The following PCDHA5 variants were observed in gnomAD, a reference collection of about 807,000 sequenced individuals.
PCDHA5 encodes the protein protocadherin alpha 5, also known as protocadherin alpha-5.
PCDHA5 carries 43 observed loss-of-function variants against 61.6 expected under a neutral mutation model. That is an observed-to-expected ratio of 0.70 (90% CI 0.55 to 0.90). The LOEUF (loss-of-function observed/expected upper bound fraction) is 0.90. PCDHA5 is among the 40% of genes least tolerant of loss of function. PCDHA5 has a pLI of 0.00. For missense variants in PCDHA5, 1,298 were observed against 1,222.7 expected (o/e 1.06, Z -0.92); for synonymous variants, 627 against 543.9 (o/e 1.15, Z -2.13).
At chr5:140,941,255 C>CTTTCTT (rs782490896) in intron 1 of PCDHA5, among the ~76,000 whole-genome samples, 957 of 44,428 alleles carry the variant, frequency 0.022, 12 homozygotes, top group African/African-American at 0.028. Flanking sequence ...TTCTTTCTTT[C>CTTTCTT]TCTTTCTTTC....
intron 1 of PCDHA5, chr5:140,928,687 C>A (rs782599747): frequency 6.2e-7 from 1 of 1,614,142 alleles, no homozygotes. Context: ...GCTTTCCTAC[C>A]ACATCTCCCG....
chr5:140,917,417 C>G (rs1163543772), intron 1 of PCDHA5, among the ~76,000 whole-genome samples: 2 of 152,082 alleles, frequency 1.3e-5, no homozygotes, highest in African/African-American at 2.4e-5. Flanking sequence ...TAATTAGGCC[C>G]CATTTGCCAA....
intron 1 of PCDHA5, chr5:140,843,199 G>C (rs2150355178): frequency 6.3e-7 from 1 of 1,596,082 alleles, no homozygotes; most frequent in South Asian, 1.1e-5. Flanking sequence ...GCGTGGGGCT[G>C]TACACGGGCG....
intron 1 of PCDHA5, among the ~76,000 whole-genome samples, chr5:140,959,969 C>T (rs1203367528): frequency 6.6e-6 from 1 of 152,104 alleles, no homozygotes; most frequent in African/African-American, 2.4e-5. Context: ...GTAGATGTTA[C>T]TGAAAGAAGA....
intron 1 of PCDHA5, among the ~76,000 whole-genome samples, chr5:140,911,992 A>T (rs904624481): frequency 6.6e-6 from 1 of 152,342 alleles, no homozygotes; most frequent in East Asian, 1.9e-4. Flanking sequence ...ACAAGGTCCC[A>T]CAATAGGCCA....
At chr5:140,953,062 C>A (rs2094842577) in intron 1 of PCDHA5, among the ~76,000 whole-genome samples, 1 of 152,160 alleles carries the variant, frequency 6.6e-6, no homozygotes, top group East Asian at 1.9e-4. Context: ...CTCTCACAGG[C>A]CCCATCTCCA....
At position 140,971,724 on chromosome 5, in the gene PCDHA5, C is replaced by T. The variant is rs1489489083; in HGVS notation, c.2353-7225C>T. On this transcript the variant is annotated intron_variant, in intron 1 of 3. Coordinates refer to ENST00000529859, the MANE Select transcript of PCDHA5 (RefSeq NM_018908.3). ...CCCTGCTATATAGATATATGTATAT[C>T]ATACATATACACATACATATATCTC... 2.0e-5 allele frequency among the ~76,000 whole-genome samples: 3 copies of T among 151,776 alleles called. No homozygotes were observed. The East Asian group carries it at 5.8e-4, about 29-fold the overall frequency.
intron 1 of PCDHA5, chr5:140,883,975 G>A (rs1167945773): frequency 1.2e-6 from 2 of 1,612,842 alleles, no homozygotes; most frequent in African/African-American, 2.7e-5. Flanking sequence ...TGACGCCCGG[G>A]GCTGGCAGCG....
At chr5:140,841,052 T>A (rs114871325) in intron 1 of PCDHA5, 33 of 431,510 alleles carry the variant, frequency 7.6e-5, no homozygotes, top group Middle Eastern at 1.2e-3. Context: ...GGATTTACTA[T>A]TAAATTATGA....
intron 1 of PCDHA5, chr5:140,834,674 G>T: frequency 3.7e-6 from 6 of 1,614,248 alleles, no homozygotes; most frequent in Non-Finnish European, 5.1e-6. Flanking sequence ...AGCTGTGCGG[G>T]CGGAGCGCGG....
At chr5:140,938,897 G>T (rs72800999) in intron 1 of PCDHA5, among the ~76,000 whole-genome samples, 1 of 151,198 alleles carries the variant, frequency 6.6e-6, no homozygotes, top group East Asian at 1.9e-4. Context: ...ACACAGATGC[G>T]CACACACACA....
chr5:140,835,513 G>T (rs1773701294), intron 1 of PCDHA5: 1 of 1,613,936 alleles, frequency 6.2e-7, no homozygotes, highest in Non-Finnish European at 8.5e-7. Flanking sequence ...GTGTTTGACC[G>T]AGATTTTGGA....
chr5:140,841,966 A>G, intron 1 of PCDHA5: 1 of 1,613,924 alleles, frequency 6.2e-7, no homozygotes, highest in Non-Finnish European at 8.5e-7. Context: ...TGACAGCCAC[A>G]GATGGGGGCA....
At chr5:140,888,700 T>C (rs534278841) in intron 1 of PCDHA5, among the ~76,000 whole-genome samples, 2 of 152,274 alleles carry the variant, frequency 1.3e-5, no homozygotes, top group Non-Finnish European at 2.9e-5. Flanking sequence ...CTCTGATTGG[T>C]AGGAATGTGA....
intron 3 of PCDHA5, among the ~76,000 whole-genome samples, chr5:140,997,576 G>A (rs528258685): frequency 5.9e-5 from 9 of 152,166 alleles, no homozygotes; most frequent in African/African-American, 2.4e-5. Flanking sequence ...TGTGTGGTCC[G>A]TTGTTGACTG....
At chr5:140,872,588 C>G (rs995645358) in intron 1 of PCDHA5, among the ~76,000 whole-genome samples, 4 of 151,876 alleles carry the variant, frequency 2.6e-5, no homozygotes, top group African/African-American at 2.4e-5. Context: ...CATCGTGAGA[C>G]CCCCATCTGA....
chr5:140,997,384 A>T (rs2097769179), intron 3 of PCDHA5, among the ~76,000 whole-genome samples: 1 of 152,198 alleles, frequency 6.6e-6, no homozygotes, highest in South Asian at 2.1e-4. Context: ...AGCATACTAC[A>T]CACTTAGGCT....
At chr5:140,882,065 A>C in intron 1 of PCDHA5, 1 of 831,114 alleles carries the variant, frequency 1.2e-6, no homozygotes, top group Non-Finnish European at 1.8e-6. Flanking sequence ...TTACACGTTC[A>C]TGCGCATGGT....
In PCDHA5 at chr5:141,011,172, A is replaced by G. The variant is rs377766708; in HGVS notation, c.*1235A>G. On this transcript the variant is annotated 3_prime_UTR_variant, in exon 4 of 4. Transcript: ENST00000529859. ...TCTAACCAACTATATATCAAGACCC[A>G]AAAATTGAAGAAAAATATTGTTTTC... 53 of 153,852 alleles carry G rather than the reference A, an allele frequency of 3.4e-4. No individual in the cohort carries two copies. Among genetic ancestry groups the G allele is most frequent in the African/African-American group, 1.2e-3 (51 of 41,568 alleles). 9.5% of individuals were successfully genotyped at this position (153,852 alleles called of 1,614,324 possible).
Sources: allele counts gnomAD v4.1 joint callset (sites outside exome capture counted in the v4.1 genomes callset), GRCh38; gene constraint gnomAD v4.1.1; transcripts MANE v1.5; gene names NCBI Gene and HGNC (gene_info 2026-07-23, HGNC 2026-07-21).